KIF13B: variants seen among roughly 807,000 people sequenced by gnomAD.
The protein encoded by KIF13B is kinesin family member 13B.
KIF13B carries 127 observed loss-of-function variants against 222.0 expected under a neutral mutation model. The ratio of observed to expected loss-of-function variants is 0.57; its 90% CI spans 0.50 to 0.66. KIF13B has a LOEUF of 0.66. Among genes scored for constraint, KIF13B ranks in the 30% least tolerant of loss-of-function variants. The pLI is 0.00. For missense variants in KIF13B, 2,173 were observed against 2,379.0 expected (o/e 0.91, Z 1.80); for synonymous variants, 976 against 919.0 (o/e 1.06, Z -1.12).
chr8:29,241,578 A>T (rs1369548510), intron 2 of KIF13B, among the ~76,000 whole-genome samples: 2 of 152,082 alleles, frequency 1.3e-5, no homozygotes, highest in African/African-American at 4.8e-5. Flanking sequence ...TGCCTTTCTC[A>T]CTGTGTTGAC....
chr8:29,261,074 T>C (rs1199655526), intron 1 of KIF13B, among the ~76,000 whole-genome samples: 3 of 152,122 alleles, frequency 2.0e-5, no homozygotes, highest in Non-Finnish European at 4.4e-5. Context: ...TGGTAATCAC[T>C]GAAAAAAGAA....
chr8:29,211,360 G>A (rs1463231318), intron 2 of KIF13B, among the ~76,000 whole-genome samples: 1 of 152,240 alleles, frequency 6.6e-6, no homozygotes, highest in African/African-American at 2.4e-5. Context: ...ACAACAGGCA[G>A]AGTAAAATGA....
At chr8:29,191,785 C>G (rs1272443348) in intron 3 of KIF13B, among the ~76,000 whole-genome samples, 1 of 152,234 alleles carries the variant, frequency 6.6e-6, no homozygotes, top group Non-Finnish European at 1.5e-5. Flanking sequence ...TTTAAACCAA[C>G]TAAGCAAAGG....
chr8:29,247,438 C>T (rs1200758053), intron 1 of KIF13B, among the ~76,000 whole-genome samples: 2 of 151,764 alleles, frequency 1.3e-5, no homozygotes, highest in Non-Finnish European at 1.5e-5. Context: ...AGCACACCAT[C>T]GACAGTGAAA....
At chr8:29,104,527 T>C (rs983006860) in intron 35 of KIF13B, among the ~76,000 whole-genome samples, 4 of 152,198 alleles carry the variant, frequency 2.6e-5, no homozygotes, top group East Asian at 1.9e-4. Flanking sequence ...AGTTTCCTAA[T>C]GCAAAATTAC....
chr8:29,182,774 TGTTAGGAGGA>T (rs1461190902), intron 6 of KIF13B, among the ~76,000 whole-genome samples: 8 of 152,050 alleles, frequency 5.3e-5, no homozygotes, highest in Non-Finnish European at 1.0e-4. Flanking sequence ...ACAAAGTTTC[TGTTAGGAGGA>T]GTAAGTTCTT....
Position 29,167,444 on chromosome 8 carries a change from G to A in KIF13B, c.1087C>T (p.Pro363Ser). 9 of 1,613,894 alleles carry A rather than the reference G, an allele frequency of 5.6e-6. No homozygotes were observed. The highest frequency in any genetic ancestry group is 7.6e-6 in the Non-Finnish European group (9 of 1,179,874). Residue 363 changes from proline to serine, a missense_variant, in exon 11 of 40, where the codon CCT becomes TCT. This residue lies in a region of KIF13B where 1,480 missense variants were observed against 1,722.8 expected (regional missense o/e 0.86). Coordinates refer to ENST00000524189, the MANE Select transcript of KIF13B (RefSeq NM_015254.4). ...AGATCCCGGATAATTCGGGCATTAG[G>A]GTCCTCATTCACCACAGCGTGGTTT... ...IVNHAVVNED[P>S]NARIIRDLRE...
At chr8:29,185,803 C>T (rs1240068842) in intron 6 of KIF13B, among the ~76,000 whole-genome samples, 1 of 152,194 alleles carries the variant, frequency 6.6e-6, no homozygotes, top group Non-Finnish European at 1.5e-5. Flanking sequence ...TGTTGCGCTT[C>T]CTTAAAATCT....
rs1813521448 is a variant in KIF13B at position 29,198,080 on chromosome 8, CA to C, written c.150-1882del. ...AAAGAAATTTAATACTTATTTGTAT[CA>C]AGTGATTTCTGACAAGAACATTAAA... On this transcript the variant is annotated intron_variant, in intron 2 of 39. Coordinates refer to ENST00000524189, the MANE Select transcript of KIF13B (RefSeq NM_015254.4). 4.6e-5 allele frequency among the ~76,000 whole-genome samples: 7 copies of C among 152,272 alleles called. No homozygotes were observed. The South Asian group carries it at 1.5e-3, about 32-fold the overall frequency.
chr8:29,150,154 T>C (rs1364139794), intron 15 of KIF13B, 143 bp downstream of exon 15: 4 of 575,932 alleles, frequency 6.9e-6, no homozygotes, highest in East Asian at 3.0e-5. Flanking sequence ...CACACACACA[T>C]ATATAATACA....
chr8:29,215,860 A>G (rs1254531978), intron 2 of KIF13B, among the ~76,000 whole-genome samples: 1 of 152,212 alleles, frequency 6.6e-6, no homozygotes, highest in Non-Finnish European at 1.5e-5. Flanking sequence ...AAATGAGGAT[A>G]TGAATTGTAA....
At position 29,071,681 on chromosome 8, in the gene KIF13B, G is replaced by C; in HGVS notation, c.5157C>G (p.Tyr1719Ter). ...VGAHKTGVVRYVGPADFQEGT... is the reference protein window; with the variant it reads ...VGAHKTGVVR ...CCTCTTGGAAGTCGGCAGGCCCCACGTATCTCACCACGCCCGTTTTGTGGG... is the reference window on the plus strand; with the variant it reads ...CCTCTTGGAAGTCGGCAGGCCCCACCTATCTCACCACGCCCGTTTTGTGGG... The change falls in exon 39 of 40, where the codon TAC becomes TAG. Residue 1719 changes from tyrosine to a stop codon, truncating the protein, a stop_gained. Transcript: ENST00000524189. LOFTEE classifies it high-confidence loss of function. The surrounding 1 kb of genome is among the most constrained non-coding windows in gnomAD (Gnocchi z 4.9). The C allele has an allele frequency of 6.4e-7, 1 of 1,554,334 alleles. No individual in the cohort carries two copies. The highest frequency in any genetic ancestry group is 8.7e-7 in the Non-Finnish European group (1 of 1,149,316).
intron 37 of KIF13B, among the ~76,000 whole-genome samples, chr8:29,090,897 T>C (rs912197032): frequency 3.1e-4 from 47 of 152,110 alleles, no homozygotes; most frequent in African/African-American, 1.1e-3. Flanking sequence ...CTAATTTTTG[T>C]AGTAAAGACA....
intron 7 of KIF13B, among the ~76,000 whole-genome samples, chr8:29,180,943 G>A (rs1563765693): frequency 6.6e-6 from 1 of 152,082 alleles, no homozygotes; most frequent in Non-Finnish European, 1.5e-5. Flanking sequence ...AAAAATGTAT[G>A]TGCAAAAGTC....
intron 36 of KIF13B, among the ~76,000 whole-genome samples, chr8:29,094,707 A>G (rs539466357): frequency 1.3e-5 from 2 of 152,348 alleles, no homozygotes; most frequent in South Asian, 2.1e-4. Context: ...AGACCATGAG[A>G]TGTCTAGATA....
At chr8:29,077,684 C>G (rs1324045110) in intron 37 of KIF13B, among the ~76,000 whole-genome samples, 1 of 152,210 alleles carries the variant, frequency 6.6e-6, no homozygotes, top group Non-Finnish European at 1.5e-5. Flanking sequence ...ACAAGTTACA[C>G]TTTCCTTCAG....
chr8:29,070,500 C>A lies in KIF13B; in HGVS notation c.*4G>T, dbSNP rs1026876855. On this transcript the variant is annotated 3_prime_UTR_variant, in exon 40 of 40. Coordinates refer to ENST00000524189, the MANE Select transcript of KIF13B (RefSeq NM_015254.4). The surrounding 1 kb of genome is among the most constrained non-coding windows in gnomAD (Gnocchi z 4.1). ...CCCAGAAAAGTTCGCCCTAAGGCAGCGGCTCAGCTGGCCCAGGATTTCCGG... is the reference window on the plus strand; with the variant it reads ...CCCAGAAAAGTTCGCCCTAAGGCAGAGGCTCAGCTGGCCCAGGATTTCCGG... The A allele has an allele frequency of 3.1e-6, 5 of 1,609,500 alleles. No individual in the cohort carries two copies. The African/African-American group carries it at 6.7e-5, about 22-fold the overall frequency.
intron 22 of KIF13B, among the ~76,000 whole-genome samples, chr8:29,133,422 C>A (rs964537908): frequency 1.3e-5 from 2 of 152,116 alleles, no homozygotes; most frequent in African/African-American, 4.8e-5. Context: ...AACCTTGTCT[C>A]TACTAAAAAT....
chr8:29,071,889 C>T lies in KIF13B; in HGVS notation c.4949G>A (p.Arg1650Lys). The T allele has an allele frequency of 6.7e-7, 1 of 1,488,520 alleles. No homozygotes were observed. Among genetic ancestry groups the T allele is most frequent in the Non-Finnish European group, 8.8e-7 (1 of 1,130,834 alleles). 92.2% of individuals were successfully genotyped at this position (1,488,520 alleles called of 1,614,324 possible). Residue 1650 changes from arginine (R) to lysine (K), a missense_variant, in exon 39 of 40, where the codon AGG (arginine) becomes AAG (lysine). Physicochemically the swap from Arg to Lys is conservative, Grantham distance 26 (BLOSUM62 2). Coordinates refer to ENST00000524189, the MANE Select transcript of KIF13B (RefSeq NM_015254.4). The surrounding 1 kb of genome is among the most constrained non-coding windows in gnomAD (Gnocchi z 4.9). ...PAPGSPFRVR[R>K]VRASELRSFS... The stretch of plus-strand genomic sequence containing the variant: ...GGAGCGCAACTCCGAGGCCCGCACC[C>T]TCCGGACGCGGAACGGGGAGCCGGG...
Sources: allele counts gnomAD v4.1 joint callset (sites outside exome capture counted in the v4.1 genomes callset), GRCh38; gene constraint gnomAD v4.1.1; regional missense constraint gnomAD v4.1.1; non-coding constraint Gnocchi (gnomAD v3.1); transcripts MANE v1.5; gene names NCBI Gene and HGNC (gene_info 2026-07-23, HGNC 2026-07-21).